The following LRMDA variants were observed in gnomAD, a reference collection of about 807,000 sequenced individuals.
LRMDA encodes leucine rich melanocyte differentiation associated.
In LRMDA, 18 loss-of-function variants were observed where a neutral mutation model predicts 29.8. The ratio of observed to expected loss-of-function variants is 0.60; its 90% CI spans 0.42 to 0.90. The LOEUF is 0.90. Ranked by LOEUF, LRMDA falls within the 40% of genes least tolerant of loss-of-function variation. LRMDA has a pLI of 0.00. For missense variants in LRMDA, 273 were observed against 273.9 expected, an observed-to-expected ratio of 1.00 and a Z score of 0.02; for synonymous variants, 125 against 109.4, an observed-to-expected ratio of 1.14 and a Z score of -0.89.
chr10:76,017,356 C>T (rs945158981), intron 2 of LRMDA, among the ~76,000 whole-genome samples: 4 of 152,218 alleles, frequency 2.6e-5, no homozygotes, highest in Non-Finnish European at 5.9e-5. Context: ...TCCCCTAGTG[C>T]CTTCAGAGGG....
intron 2 of LRMDA, among the ~76,000 whole-genome samples, chr10:75,933,003 G>A (rs562803383): frequency 9.9e-4 from 151 of 152,232 alleles, no homozygotes; most frequent in African/African-American, 3.4e-3. Flanking sequence ...AATCATTCAG[G>A]CGTAGATTCC....
chr10:75,537,800 T>C (rs1264275247), intron 2 of LRMDA, among the ~76,000 whole-genome samples: 2 of 152,200 alleles, frequency 1.3e-5, no homozygotes. Context: ...TTTCCCCTCC[T>C]TTCTAGAGAT....
At chr10:75,757,642 T>C (rs1285572831) in intron 2 of LRMDA, among the ~76,000 whole-genome samples, 1 of 152,116 alleles carries the variant, frequency 6.6e-6, no homozygotes, top group Non-Finnish European at 1.5e-5. Flanking sequence ...TGGAACTGCT[T>C]TGAGGATTCA....
intron 2 of LRMDA, among the ~76,000 whole-genome samples, chr10:76,035,184 AC>A (rs1244117007): frequency 6.7e-6 from 1 of 150,256 alleles, no homozygotes; most frequent in Non-Finnish European, 1.5e-5. Context: ...GTTGCACTCT[AC>A]ACTTCTTTCA....
At chr10:75,912,172 T>C (rs1480735736) in intron 2 of LRMDA, among the ~76,000 whole-genome samples, 1 of 151,430 alleles carries the variant, frequency 6.6e-6, no homozygotes, top group Non-Finnish European at 1.5e-5. Context: ...ATTACTCATT[T>C]CCCCCCCTTC....
chr10:76,445,775 A>C (rs1243459071), intron 6 of LRMDA, among the ~76,000 whole-genome samples: 2 of 152,214 alleles, frequency 1.3e-5, no homozygotes, highest in African/African-American at 2.4e-5. Flanking sequence ...CTTGGAGTGG[A>C]GGGAAACAAG....
intron 5 of LRMDA, among the ~76,000 whole-genome samples, chr10:76,101,771 A>C (rs1315933212): frequency 6.6e-6 from 1 of 152,104 alleles, no homozygotes; most frequent in African/African-American, 2.4e-5. Context: ...ATTCATATTG[A>C]ACATTTAGAA....
intron 2 of LRMDA, among the ~76,000 whole-genome samples, chr10:75,909,846 A>G (rs904494555): frequency 6.6e-6 from 1 of 152,270 alleles, no homozygotes; most frequent in Non-Finnish European, 1.5e-5. Flanking sequence ...AACATATCAC[A>G]TCATATTTGT....
Position 76,340,533 on chromosome 10 carries a change from AAAAAG to A in LRMDA, c.601+16050_601+16054del, listed in dbSNP as rs1454980662. Reference sequence around the variant, plus strand: ...CCTGTATCAAAAAAAAAAAAAAAAAAAAAAGAGAGAGAGAGGGAGAAACCTATGAA... The same window carrying A: ...CCTGTATCAAAAAAAAAAAAAAAAAAAGAGAGAGAGGGAGAAACCTATGAA... On this transcript the variant is annotated intron_variant, in intron 6 of 6. Transcript: ENST00000611255. 2.7e-5 allele frequency among the ~76,000 whole-genome samples: 4 copies of A among 146,636 alleles called. No individual in the cohort carries two copies. The East Asian group carries it at 8.5e-4, about 31-fold the overall frequency.
chr10:75,962,598 A>G (rs1421586735), intron 2 of LRMDA, among the ~76,000 whole-genome samples: 1 of 152,216 alleles, frequency 6.6e-6, no homozygotes, highest in East Asian at 1.9e-4. Flanking sequence ...GCCATGAGGG[A>G]TGCAAGCCTA....
intron 6 of LRMDA, among the ~76,000 whole-genome samples, chr10:76,541,366 G>A (rs1843353022): frequency 6.6e-6 from 1 of 152,036 alleles, no homozygotes; most frequent in South Asian, 2.1e-4. Flanking sequence ...CCAGGCATGG[G>A]GGCACATGCC....
intron 2 of LRMDA, among the ~76,000 whole-genome samples, chr10:75,890,927 A>G (rs1048011466): frequency 6.6e-5 from 10 of 152,098 alleles, no homozygotes; most frequent in African/African-American, 2.4e-4. Context: ...CAACATGGTG[A>G]AACCCATCTC....
intron 2 of LRMDA, among the ~76,000 whole-genome samples, chr10:75,859,180 T>C (rs1412761004): frequency 6.6e-6 from 1 of 152,222 alleles, no homozygotes; most frequent in East Asian, 1.9e-4. Context: ...ATGGCCTTAT[T>C]ATGGGCCTTT....
intron 2 of LRMDA, among the ~76,000 whole-genome samples, chr10:75,846,474 T>G (rs1844639432): frequency 6.6e-6 from 1 of 152,182 alleles, no homozygotes; most frequent in East Asian, 1.9e-4. Flanking sequence ...AAAAGGGATT[T>G]ATTATCTAAC....
chr10:76,385,775 A>G (rs1346932629), intron 6 of LRMDA, among the ~76,000 whole-genome samples: 1 of 151,990 alleles, frequency 6.6e-6, no homozygotes, highest in Non-Finnish European at 1.5e-5. Flanking sequence ...TTCTTCATTC[A>G]TTTGCTGCTT....
chr10:75,749,106 A>G (rs964834161), intron 2 of LRMDA, among the ~76,000 whole-genome samples: 1 of 152,102 alleles, frequency 6.6e-6, no homozygotes, highest in Non-Finnish European at 1.5e-5. Flanking sequence ...AGCTTACTCA[A>G]TGTAAAGATA....
chr10:76,534,771 A>G (rs1353674653), intron 6 of LRMDA, among the ~76,000 whole-genome samples: 10 of 152,146 alleles, frequency 6.6e-5, no homozygotes, highest in Admixed American at 6.5e-4. Flanking sequence ...TATATTGACA[A>G]AGATTATTAT....
chr10:75,894,235 G>A (rs1845546113), intron 2 of LRMDA, among the ~76,000 whole-genome samples: 1 of 150,866 alleles, frequency 6.6e-6, no homozygotes, highest in Non-Finnish European at 1.5e-5. Context: ...ATGCCTTTGT[G>A]TCATCATAGC....
intron 2 of LRMDA, among the ~76,000 whole-genome samples, chr10:75,510,065 T>A (rs938840845): frequency 1.3e-5 from 2 of 152,254 alleles, no homozygotes; most frequent in African/African-American, 4.8e-5. Context: ...AATGTTTGTG[T>A]GACAGGATAT....
Sources: allele counts gnomAD v4.1 joint callset (sites outside exome capture counted in the v4.1 genomes callset), GRCh38; gene constraint gnomAD v4.1.1; transcripts MANE v1.5; gene names NCBI Gene and HGNC (gene_info 2026-07-23, HGNC 2026-07-21).